Variants in SLC38A6 observed in about 807,000 individuals in gnomAD.
SLC38A6 encodes the protein N system amino acid transporter NAT-1.
SLC38A6 carries 73 observed loss-of-function variants against 65.0 expected under a neutral mutation model. The ratio of observed to expected loss-of-function variants is 1.12; its 90% CI spans 0.93 to 1.37. The LOEUF (loss-of-function observed/expected upper bound fraction) is 1.37, where lower values mean the gene tolerates loss of function less well. Ranked by LOEUF, SLC38A6 falls within the 40% of genes most tolerant of loss-of-function variation. The pLI, the probability that SLC38A6 is intolerant of heterozygous loss-of-function variation, is 0.00. For missense variants in SLC38A6, 561 were observed against 531.1 expected, an observed-to-expected ratio of 1.06 and a Z score of -0.55; for synonymous variants, 183 against 178.8, an observed-to-expected ratio of 1.02 and a Z score of -0.19.
intron 8 of SLC38A6, among the ~76,000 whole-genome samples, chr14:61,041,955 C>T (rs926005886): frequency 6.6e-6 from 1 of 151,258 alleles, no homozygotes; most frequent in South Asian, 2.1e-4. Context: ...ACCTCATCCT[C>T]ATCGTTTTTT....
At chr14:60,999,284 A>G (rs908070187) in intron 3 of SLC38A6, among the ~76,000 whole-genome samples, 2 of 152,212 alleles carry the variant, frequency 1.3e-5, no homozygotes, top group African/African-American at 4.8e-5. Context: ...GGCAAAGAAA[A>G]CGTAGTCTTC....
intron 15 of SLC38A6, among the ~76,000 whole-genome samples, chr14:61,075,341 A>G (rs999111859): frequency 2.0e-5 from 3 of 152,198 alleles, no homozygotes; most frequent in Non-Finnish European, 4.4e-5. Context: ...GCCTTATGCT[A>G]TCCAGGTGAT....
intron 16 of SLC38A6, among the ~76,000 whole-genome samples, chr14:61,081,946 C>T (rs538071336): frequency 3.9e-5 from 6 of 152,180 alleles, no homozygotes; most frequent in Admixed American, 6.5e-5. Flanking sequence ...AACGTGGTAT[C>T]GGTAACATGG....
At chr14:61,007,418 C>G (rs898692803) in intron 3 of SLC38A6, among the ~76,000 whole-genome samples, 1 of 152,126 alleles carries the variant, frequency 6.6e-6, no homozygotes, top group Non-Finnish European at 1.5e-5. Context: ...TGGCTTGAGT[C>G]CAAGAGTTTG....
chr14:61,035,590 A>G (rs2041301434), intron 6 of SLC38A6, among the ~76,000 whole-genome samples: 1 of 152,130 alleles, frequency 6.6e-6, no homozygotes, highest in South Asian at 2.1e-4. Flanking sequence ...TGTTTTTCCA[A>G]GAGATAGTAC....
intron 15 of SLC38A6, among the ~76,000 whole-genome samples, chr14:61,063,720 C>T (rs1402550782): frequency 4.0e-5 from 6 of 150,386 alleles, no homozygotes; most frequent in Admixed American, 1.3e-4. Flanking sequence ...TATTTAGCAA[C>T]TGGAGAACAG....
chr14:61,043,716 T>C (rs556458577), intron 10 of SLC38A6, among the ~76,000 whole-genome samples: 3,490 of 142,306 alleles, frequency 0.025, 57 homozygotes, highest in Non-Finnish European at 0.034. Context: ...TTTTTTTTTT[T>C]CCTGGTATGC....
At position 61,006,874 on chromosome 14, in the gene SLC38A6, A is replaced by G. The variant is rs555906853; in HGVS notation, c.311-9030A>G. Among the ~76,000 whole-genome samples, 19 of 152,266 alleles carry G rather than the reference A, an allele frequency of 1.2e-4. No individual in the cohort carries two copies. In the South Asian group the frequency reaches 3.3e-3, roughly 27 times the overall value. On this transcript the variant is annotated intron_variant, in intron 3 of 15. Transcript: ENST00000267488. Reference sequence around the variant, plus strand: ...TGCTGCTATAAAGACACATGCACACATATGTTTATTGCGGCACTATTCACA... The same window carrying G: ...TGCTGCTATAAAGACACATGCACACGTATGTTTATTGCGGCACTATTCACA...
chr14:60,998,647 C>T (rs1039616481), intron 3 of SLC38A6, among the ~76,000 whole-genome samples: 1 of 152,222 alleles, frequency 6.6e-6, no homozygotes, highest in Non-Finnish European at 1.5e-5. Flanking sequence ...AATACTTAAG[C>T]AATCTGTGGA....
intron 16 of SLC38A6, among the ~76,000 whole-genome samples, chr14:61,082,171 T>TC (rs1409503940): frequency 6.6e-6 from 1 of 152,072 alleles, no homozygotes; most frequent in Non-Finnish European, 1.5e-5. Flanking sequence ...CGCACCACCC[T>TC]CACCTAAAAC....
At chr14:61,045,505 T>G (rs1369743235) in intron 11 of SLC38A6, 80 bp downstream of exon 11, 3 of 1,048,500 alleles carry the variant, frequency 2.9e-6, no homozygotes, top group Non-Finnish European at 4.3e-6. Flanking sequence ...TGACATCCTC[T>G]TTTATTAATC....
rs2037052747 is a variant in SLC38A6, at chr14:60,981,800, C to T, written c.105+418C>T. ...TCATGGGGGGAGGGAAAATAATAAA[C>T]ATTTTAATACAGAAATTCTTAGCGG... On this transcript the variant is annotated intron_variant, in intron 1 of 15. Transcript: ENST00000267488. The T allele has an allele frequency of 4.8e-6, 5 of 1,048,116 alleles. No individual in the cohort carries two copies. In the South Asian group the frequency reaches 6.8e-5, roughly 14 times the overall value. 64.9% of individuals were successfully genotyped at this position (1,048,116 alleles called of 1,614,324 possible).
chr14:61,045,454 T>C (rs2042080017), intron 11 of SLC38A6, 29 bp downstream of exon 11: 1 of 1,505,448 alleles, frequency 6.6e-7, no homozygotes, highest in Non-Finnish European at 9.2e-7. Context: ...ATATTTTAAA[T>C]ATATTGTGTA....
intron 4 of SLC38A6, among the ~76,000 whole-genome samples, chr14:61,016,417 C>T (rs2040013662): frequency 6.6e-6 from 1 of 152,156 alleles, no homozygotes; most frequent in Admixed American, 6.5e-5. Flanking sequence ...GCTATCCTCT[C>T]ATTTATAGGT....
intron 12 of SLC38A6, 73 bp from the exon 13 acceptor site, chr14:61,050,439 G>A: frequency 9.4e-7 from 1 of 1,064,748 alleles, no homozygotes; most frequent in Non-Finnish European, 1.3e-6. Flanking sequence ...ATCCATTAGT[G>A]CAAAGGAAAA....
intron 5 of SLC38A6, among the ~76,000 whole-genome samples, chr14:61,027,345 T>C (rs2040665146): frequency 6.6e-6 from 1 of 152,144 alleles, no homozygotes; most frequent in African/African-American, 2.4e-5. Context: ...ATGGCTCTTG[T>C]GGATGACCCA....
intron 3 of SLC38A6, among the ~76,000 whole-genome samples, chr14:60,995,555 TTTACTGAAAATTTGCC>T (rs796095968): frequency 2.4e-4 from 36 of 152,216 alleles, no homozygotes; most frequent in African/African-American, 8.4e-4. Context: ...TGTAATATTG[TTTACTGAAAATTTGCC>T]AAGAGAGTAG....
At position 61,043,194 on chromosome 14, in the gene SLC38A6, T is replaced by C. The variant is rs543874260; in HGVS notation, c.672T>C (p.Tyr224=). The stretch of plus-strand genomic sequence containing the variant: ...TCCCTTGTCCTCTGACATTAAATTA[T>C]GTAGAGAAAGGTTTCCAGGTAATAG... ...WSIPCPLTLN[Y]VEKGFQISNV... Residue 224 remains tyrosine (Y), a synonymous_variant, in exon 9 of 16, where the codon TAT becomes TAC. Transcript: ENST00000267488. 5.2e-6 allele frequency: 8 copies of C among 1,539,902 alleles called. No individual in the cohort carries two copies. The African/African-American group carries it at 1.1e-4, about 21-fold the overall frequency.
chr14:61,074,993 C>T (rs1324659336), intron 15 of SLC38A6, among the ~76,000 whole-genome samples: 1 of 152,048 alleles, frequency 6.6e-6, no homozygotes, highest in African/African-American at 2.4e-5. Flanking sequence ...ATGTGAATTT[C>T]ACCTCAATCA....
Sources: gnomAD v4.1 joint callset for allele counts (sites outside exome capture counted in the v4.1 genomes callset) on GRCh38, gnomAD v4.1.1 for gene constraint, MANE v1.5 for transcripts, NCBI Gene and HGNC (gene_info 2026-07-23, HGNC 2026-07-21) for gene names.